FGF10: variants seen among roughly 807,000 people sequenced by gnomAD.
FGF10 encodes the protein fibroblast growth factor 10.
Under a neutral mutation model 19.8 loss-of-function variants are expected in FGF10, and 2 were observed. The ratio of observed to expected loss-of-function variants is 0.10; its 90% CI spans 0.04 to 0.32. FGF10 has a LOEUF of 0.32. FGF10 is among the 10% of genes least tolerant of loss of function. The pLI, the probability that FGF10 is intolerant of heterozygous loss-of-function variation, is 1.00. For missense variants in FGF10, 191 were observed against 246.3 expected (o/e 0.78, Z 1.50); for synonymous variants, 112 against 94.0 (o/e 1.19, Z -1.10).
chr5:44,384,077 A>C (rs1398185962), intron 1 of FGF10, among the ~76,000 whole-genome samples: 4 of 152,104 alleles, frequency 2.6e-5, no homozygotes, highest in Non-Finnish European at 5.9e-5. Flanking sequence ...TTAAGTCTCT[A>C]AGACGTCGCC....
chr5:44,326,130 G>A (rs761454716), intron 1 of FGF10, among the ~76,000 whole-genome samples: 2 of 152,088 alleles, frequency 1.3e-5, no homozygotes, highest in Admixed American at 6.6e-5. Context: ...TTAAACTCTG[G>A]CAAACCATGG....
intron 1 of FGF10, among the ~76,000 whole-genome samples, chr5:44,366,694 G>T (rs915758593): frequency 2.0e-5 from 3 of 151,972 alleles, no homozygotes; most frequent in Non-Finnish European, 2.9e-5. Context: ...TTAGTACAAG[G>T]TTCGCCAAAA....
chr5:44,354,273 T>A (rs1741296746), intron 1 of FGF10, among the ~76,000 whole-genome samples: 1 of 151,496 alleles, frequency 6.6e-6, no homozygotes, highest in Admixed American at 6.6e-5. Context: ...AATGCTTTTG[T>A]CTAGCATATA....
chr5:44,354,939 C>T (rs963076591), intron 1 of FGF10, among the ~76,000 whole-genome samples: 10 of 151,552 alleles, frequency 6.6e-5, no homozygotes, highest in Non-Finnish European at 1.5e-4. Context: ...TAATTAACTA[C>T]CATTATAATA....
At chr5:44,323,790 C>CTTA (rs1407465411) in intron 1 of FGF10, among the ~76,000 whole-genome samples, 1 of 152,002 alleles carries the variant, frequency 6.6e-6, no homozygotes, top group Non-Finnish European at 1.5e-5. Flanking sequence ...TTTAAAAATG[C>CTTA]TTACATTGTT....
intron 1 of FGF10, 58 bp downstream of exon 1, chr5:44,388,300 C>T (rs895685307): frequency 2.6e-6 from 4 of 1,524,240 alleles, no homozygotes; most frequent in Non-Finnish European, 2.7e-6. Flanking sequence ...GATTTTTCCC[C>T]CCCGTGTGGG....
At chr5:44,316,912 T>C (rs1334494836) in intron 1 of FGF10, among the ~76,000 whole-genome samples, 1 of 152,206 alleles carries the variant, frequency 6.6e-6, no homozygotes, top group Non-Finnish European at 1.5e-5. Context: ...AAGAATTTTA[T>C]GGGCTTTTTC....
rs1347905171 is a variant in FGF10, at chr5:44,304,169, T to C, written c.*826A>G. ...TATTACTGCAGAAGTGCAAATTAAGTCAACTGATAGCACACGGGCACTCAT... is the reference window on the plus strand; with the variant it reads ...TATTACTGCAGAAGTGCAAATTAAGCCAACTGATAGCACACGGGCACTCAT... On this transcript the variant is annotated 3_prime_UTR_variant, in exon 3 of 3. Coordinates refer to ENST00000264664, the MANE Select transcript of FGF10 (RefSeq NM_004465.2). The C allele has an allele frequency of 6.6e-6, 1 of 152,142 alleles. No individual in the cohort carries two copies. Among genetic ancestry groups the C allele is most frequent in the South Asian group, 2.1e-4 (1 of 4,826 alleles). 9.4% of individuals were successfully genotyped at this position (152,142 alleles called of 1,614,324 possible).
At chr5:44,325,672 G>C (rs1187308615) in intron 1 of FGF10, among the ~76,000 whole-genome samples, 5 of 149,688 alleles carry the variant, frequency 3.3e-5, no homozygotes, top group Admixed American at 2.7e-4. Context: ...ACTCATAGGT[G>C]GGAATTGAAC....
intron 1 of FGF10, among the ~76,000 whole-genome samples, chr5:44,370,637 C>T (rs920601851): frequency 2.6e-5 from 4 of 152,094 alleles, no homozygotes; most frequent in Admixed American, 2.6e-4. Context: ...CTGTTTCAGT[C>T]AGCCTCAGCT....
chr5:44,326,389 G>T (rs1044477458), intron 1 of FGF10, among the ~76,000 whole-genome samples: 2 of 151,942 alleles, frequency 1.3e-5, no homozygotes, highest in African/African-American at 4.8e-5. Flanking sequence ...GATCCAACTT[G>T]CCCTTAGTTT....
At chr5:44,340,901 A>C in intron 1 of FGF10, among the ~76,000 whole-genome samples, 1 of 151,924 alleles carries the variant, frequency 6.6e-6, no homozygotes, top group Non-Finnish European at 1.5e-5. Context: ...GGAGAGACAA[A>C]ACAAAAGAAA....
chr5:44,309,056 A>T lies in FGF10; in HGVS notation c.429+1371T>A, dbSNP rs17234527. On this transcript the variant is annotated intron_variant, in intron 2 of 2. Coordinates refer to ENST00000264664, the MANE Select transcript of FGF10 (RefSeq NM_004465.2). ...TTATGCTAATCAACAAAGTAAGTTT[A>T]TTTACAAATTTAAAGTGAAATTCCT... 3.3e-4 allele frequency among the ~76,000 whole-genome samples: 51 copies of T among 152,316 alleles called. No homozygotes were observed. In the South Asian group the frequency reaches 5.4e-3, roughly 16 times the overall value.
At chr5:44,317,691 C>G (rs1740381079) in intron 1 of FGF10, among the ~76,000 whole-genome samples, 4 of 152,114 alleles carry the variant, frequency 2.6e-5, no homozygotes, top group Admixed American at 1.3e-4. Flanking sequence ...CTTCACAACA[C>G]TGTGCTAGAT....
chr5:44,370,518 A>G (rs960585604), intron 1 of FGF10, among the ~76,000 whole-genome samples: 5 of 152,006 alleles, frequency 3.3e-5, no homozygotes, highest in Non-Finnish European at 7.4e-5. Context: ...ACCTTTCCCA[A>G]TATCACAACC....
At chr5:44,314,849 A>T (rs1363972587) in intron 1 of FGF10, among the ~76,000 whole-genome samples, 1 of 152,160 alleles carries the variant, frequency 6.6e-6, no homozygotes, top group Non-Finnish European at 1.5e-5. Context: ...TCTGGAGGGT[A>T]AGTTTCTCAC....
At chr5:44,313,915 G>T (rs974572934) in intron 1 of FGF10, among the ~76,000 whole-genome samples, 1 of 152,106 alleles carries the variant, frequency 6.6e-6, no homozygotes, top group Non-Finnish European at 1.5e-5. Context: ...CTATTGATAA[G>T]TCTATGTACT....
rs796666387 is a variant in FGF10, at chr5:44,318,332, A to G, written c.326-7802T>C. ...GGTAAACATTTCTGTATCAGAAAAC[A>G]TATTTCTATATAAAGTTTTATGTAG... On this transcript the variant is annotated intron_variant, in intron 1 of 2. Coordinates refer to ENST00000264664, the MANE Select transcript of FGF10 (RefSeq NM_004465.2). Among the ~76,000 whole-genome samples the G allele has an allele frequency of 1.5e-4, 22 of 151,286 alleles. 2 individuals carry two copies. The highest frequency in any genetic ancestry group is 5.4e-4 in the African/African-American group (22 of 40,752).
intron 1 of FGF10, among the ~76,000 whole-genome samples, chr5:44,369,654 G>A (rs966935779): frequency 6.6e-6 from 1 of 151,966 alleles, no homozygotes; most frequent in Non-Finnish European, 1.5e-5. Context: ...TAGCACACAC[G>A]CACTCAGACA....
Sources: allele counts gnomAD v4.1 joint callset (sites outside exome capture counted in the v4.1 genomes callset), GRCh38; gene constraint gnomAD v4.1.1; transcripts MANE v1.5; gene names NCBI Gene and HGNC (gene_info 2026-07-23, HGNC 2026-07-21).